Variants in MTHFD1L observed in about 807,000 individuals in gnomAD.
The protein encoded by MTHFD1L is monofunctional C1-tetrahydrofolate synthase, mitochondrial.
MTHFD1L carries 81 observed loss-of-function variants against 119.5 expected under a neutral mutation model. The observed-to-expected ratio is 0.68, with a 90% CI of 0.57 to 0.82. The LOEUF is 0.82. Among genes scored for constraint, MTHFD1L ranks in the 40% least tolerant of loss-of-function variants. MTHFD1L has a pLI of 0.00. For synonymous variants in MTHFD1L, 430 were observed against 475.2 expected (o/e 0.90, Z 1.24); for missense variants, 1,125 against 1,253.4 (o/e 0.90, Z 1.55).
intron 9 of MTHFD1L, among the ~76,000 whole-genome samples, chr6:150,920,111 C>T (rs574077000): frequency 1.3e-5 from 2 of 152,256 alleles, no homozygotes; most frequent in Admixed American, 6.5e-5. Flanking sequence ...GTGAGCAATC[C>T]AAGGGAGGCA....
intron 26 of MTHFD1L, among the ~76,000 whole-genome samples, chr6:151,055,570 C>T (rs1349897550): frequency 2.6e-5 from 4 of 151,518 alleles, no homozygotes; most frequent in African/African-American, 9.7e-5. Context: ...TCTTGTTGCC[C>T]AGGCTGGAGT....
At position 150,876,096 on chromosome 6, in the gene MTHFD1L, C is replaced by T. The variant is rs1296777764; in HGVS notation, c.234C>T (p.Val78=). ...PAARDSIVRE[V]IQNSKEVLSL... ...GTTTTCTTTCTCAATGTAGAGAAGT[C>T]ATTCAGAATTCAAAAGAAGTTCTAA... The change falls in exon 2 of 28, where the codon GTC becomes GTT. Residue 78 remains valine (V), a synonymous_variant. Coordinates refer to ENST00000367321, the MANE Select transcript of MTHFD1L (RefSeq NM_015440.5). The T allele has an allele frequency of 3.1e-6, 5 of 1,603,788 alleles. No homozygotes were observed. The highest frequency in any genetic ancestry group is 4.3e-6 in the Non-Finnish European group (5 of 1,173,274).
chr6:151,022,157 G>T (rs1274395761), intron 24 of MTHFD1L: 1 of 428,244 alleles, frequency 2.3e-6, no homozygotes, highest in East Asian at 7.4e-5. Context: ...GGCCAGGGGT[G>T]TTTCCTCCTC....
chr6:150,958,335 A>G (rs1194104793), intron 17 of MTHFD1L, among the ~76,000 whole-genome samples: 1 of 152,160 alleles, frequency 6.6e-6, no homozygotes, highest in Non-Finnish European at 1.5e-5. Flanking sequence ...TTCCCTGTTA[A>G]TGAACATGTA....
chr6:150,934,676 ACT>A (rs1791738342), intron 11 of MTHFD1L, among the ~76,000 whole-genome samples: 1 of 152,022 alleles, frequency 6.6e-6, no homozygotes, highest in African/African-American at 2.4e-5. Context: ...AGATCAGAAA[ACT>A]CTATTAGATT....
intron 26 of MTHFD1L, among the ~76,000 whole-genome samples, chr6:151,061,245 G>C (rs1226048106): frequency 6.6e-6 from 1 of 152,130 alleles, no homozygotes; most frequent in Non-Finnish European, 1.5e-5. Flanking sequence ...GTCAAGTCCA[G>C]GGGAGCTCAG....
intron 26 of MTHFD1L, among the ~76,000 whole-genome samples, chr6:151,051,583 A>T (rs1378034752): frequency 6.6e-6 from 1 of 152,124 alleles, no homozygotes; most frequent in Non-Finnish European, 1.5e-5. Context: ...GTCGGCATGT[A>T]CTCACAGGGC....
chr6:150,904,434 A>G (rs1785555589), intron 7 of MTHFD1L, among the ~76,000 whole-genome samples: 1 of 152,206 alleles, frequency 6.6e-6, no homozygotes, highest in Non-Finnish European at 1.5e-5. Flanking sequence ...TAGGAGACAC[A>G]GGACATACCG....
At chr6:150,959,049 A>T (rs925180465) in intron 17 of MTHFD1L, 1 of 273,570 alleles carries the variant, frequency 3.7e-6, no homozygotes, top group Admixed American at 6.5e-5. Flanking sequence ...TTTATAATAG[A>T]ATGGTAGTAT....
chr6:150,979,266 C>T (rs1424398723), intron 20 of MTHFD1L, among the ~76,000 whole-genome samples: 1 of 152,114 alleles, frequency 6.6e-6, no homozygotes, highest in African/African-American at 2.4e-5. Context: ...TTTGGGTGAG[C>T]TGTCTACAGC....
Position 150,918,675 on chromosome 6 carries a change from TC to T in MTHFD1L, c.984+8del. 1 of 1,608,602 alleles carries T rather than the reference TC, an allele frequency of 6.2e-7. No individual in the cohort carries two copies. The highest frequency in any genetic ancestry group is 1.7e-4 in the Middle Eastern group (1 of 6,044). ...TGCAGCTCTGCGAATTCAGGTTTGT[TC>T]AACATAGCTGTCTGAGAATCTTGAG... On this transcript the variant is annotated splice_region_variant and intron_variant, in intron 9 of 27. Transcript: ENST00000367321.
Position 150,926,215 on chromosome 6 carries a change from C to T in MTHFD1L, c.1176C>T (p.Gly392=). The change falls in exon 11 of 28, where the codon GGC becomes GGT. Residue 392 remains glycine, a synonymous_variant. Coordinates refer to ENST00000367321, the MANE Select transcript of MTHFD1L (RefSeq NM_015440.5). The surrounding 1 kb of genome is among the most constrained non-coding windows in gnomAD (Gnocchi z 4.3). ...TTGCAGATGAAATTGAAATCTATGGCAAAAGCAAAGCCAAAGTACGTTTGT... is the reference window on the plus strand; with the variant it reads ...TTGCAGATGAAATTGAAATCTATGGTAAAAGCAAAGCCAAAGTACGTTTGT... ...GLLADEIEIY[G]KSKAKVRLSV... 1 of 1,613,964 alleles carries T rather than the reference C, an allele frequency of 6.2e-7. No individual in the cohort carries two copies. Among genetic ancestry groups the T allele is most frequent in the Non-Finnish European group, 8.5e-7 (1 of 1,179,958 alleles).
At chr6:151,098,335 C>A (rs963474554) in intron 27 of MTHFD1L, among the ~76,000 whole-genome samples, 1 of 152,060 alleles carries the variant, frequency 6.6e-6, no homozygotes, top group Non-Finnish European at 1.5e-5. Flanking sequence ...TACAAAGTAC[C>A]CTGGGAGGGT....
chr6:150,926,277 A>G lies in MTHFD1L; in HGVS notation c.1238A>G (p.Lys413Arg). The G allele has an allele frequency of 6.2e-7, 1 of 1,612,100 alleles. No individual in the cohort carries two copies. The highest frequency in any genetic ancestry group is 8.5e-7 in the Non-Finnish European group (1 of 1,178,502). ...LERLKDQADG[K>R]YVLVAGITPT... ...AGGTTAAAGGATCAAGCAGATGGAA[A>G]ATACGTCTTAGTTGCTGGGTAAGAC... The change falls in exon 11 of 28, where the codon AAA becomes AGA. Residue 413 changes from lysine to arginine, a missense_variant. This residue lies in a region of MTHFD1L where 1,058 missense variants were observed against 1,151.2 expected (regional missense o/e 0.92). Transcript: ENST00000367321. This position sits in a 1 kb window ranked among gnomAD's most constrained non-coding sequence, Gnocchi z 4.3.
At chr6:151,075,275 A>G (rs1792375264) in intron 26 of MTHFD1L, among the ~76,000 whole-genome samples, 4 of 152,164 alleles carry the variant, frequency 2.6e-5, no homozygotes, top group Admixed American at 6.5e-5. Context: ...TTTTAAATCT[A>G]AAGACATAAG....
chr6:150,929,903 A>G (rs1583616932), intron 11 of MTHFD1L, among the ~76,000 whole-genome samples: 1 of 152,154 alleles, frequency 6.6e-6, no homozygotes, highest in Non-Finnish European at 1.5e-5. Flanking sequence ...CGTGCTGGTA[A>G]GATTATGATA....
intron 20 of MTHFD1L, among the ~76,000 whole-genome samples, chr6:150,982,231 A>G (rs1484364699): frequency 6.6e-6 from 1 of 152,066 alleles, no homozygotes; most frequent in Non-Finnish European, 1.5e-5. Flanking sequence ...TAACATGTAA[A>G]AAAAAAAAGA....
At chr6:150,970,211 A>C (rs1420563832) in intron 19 of MTHFD1L, among the ~76,000 whole-genome samples, 1 of 152,186 alleles carries the variant, frequency 6.6e-6, no homozygotes, top group Non-Finnish European at 1.5e-5. Context: ...AAGAATATTG[A>C]TTGATTGATG....
chr6:151,037,266 T>C (rs1786324593), intron 26 of MTHFD1L, 149 bp downstream of exon 26: 1 of 901,376 alleles, frequency 1.1e-6, no homozygotes. Context: ...TTCTAAACAC[T>C]GTGTCTCACC....
Sources: gnomAD v4.1 joint callset for allele counts (sites outside exome capture counted in the v4.1 genomes callset) on GRCh38, gnomAD v4.1.1 for gene constraint, gnomAD v4.1.1 regional missense constraint, Gnocchi (gnomAD v3.1) non-coding constraint, MANE v1.5 for transcripts, NCBI Gene and HGNC (gene_info 2026-07-23, HGNC 2026-07-21) for gene names.